IL1RAP: variants seen among roughly 807,000 people sequenced by gnomAD.
The protein encoded by IL1RAP is interleukin-1 receptor accessory protein.
A neutral mutation model predicts 60.7 loss-of-function variants in IL1RAP; 35 were observed. The ratio of observed to expected loss-of-function variants is 0.58; its 90% CI spans 0.44 to 0.76. The LOEUF is 0.76. Ranked by LOEUF, IL1RAP falls within the 30% of genes least tolerant of loss-of-function variation. The pLI is 0.00. For missense variants in IL1RAP, 572 were observed against 693.9 expected, an observed-to-expected ratio of 0.82 and a Z score of 1.97; for synonymous variants, 268 against 250.9, an observed-to-expected ratio of 1.07 and a Z score of -0.64.
intron 1 of IL1RAP, chr3:190,550,509 G>A (rs1208706260): frequency 6.6e-6 from 1 of 152,294 alleles, no homozygotes; most frequent in Non-Finnish European, 1.5e-5. Flanking sequence ...ATAACTGGTG[G>A]GTATAGTTAT....
chr3:190,547,762 C>G (rs377627392), intron 1 of IL1RAP, among the ~76,000 whole-genome samples: 1 of 152,196 alleles, frequency 6.6e-6, no homozygotes, highest in Admixed American at 6.5e-5. Context: ...TTGACTTTAA[C>G]TCTTCCTAAT....
chr3:190,566,036 T>C (rs1450781766), intron 3 of IL1RAP, among the ~76,000 whole-genome samples: 1 of 151,884 alleles, frequency 6.6e-6, no homozygotes, highest in Non-Finnish European at 1.5e-5. Flanking sequence ...GAACTCCCTG[T>C]CCTTCCTCCT....
chr3:190,644,537 AC>A (rs1733875920), intron 10 of IL1RAP, 140 bp downstream of exon 10: 1 of 666,602 alleles, frequency 1.5e-6, no homozygotes, highest in African/African-American at 1.9e-5. Context: ...TTTAATTTCA[AC>A]CGTTGCTATT....
intron 3 of IL1RAP, among the ~76,000 whole-genome samples, chr3:190,573,135 T>TC (rs1727137599): frequency 9.5e-5 from 5 of 52,538 alleles, no homozygotes; most frequent in Non-Finnish European, 1.8e-4. Context: ...AGTTCTGGGA[T>TC]TACAGGCGTG....
Position 190,604,158 on chromosome 3 carries a change from T to A in IL1RAP, c.95T>A (p.Met32Lys), listed in dbSNP as rs1245013598. The A allele has an allele frequency of 6.2e-7, 1 of 1,613,990 alleles. No individual in the cohort carries two copies. Among genetic ancestry groups the A allele is most frequent in the Non-Finnish European group, 8.5e-7 (1 of 1,179,944 alleles). Residue 32 changes from methionine to lysine, a missense_variant, in exon 4 of 12, where the codon ATG (methionine) becomes AAG (lysine). By Grantham distance (95) the Met-to-Lys change is moderately conservative (BLOSUM62 -1). Coordinates refer to ENST00000447382, the MANE Select transcript of IL1RAP (RefSeq NM_002182.4). ...ERCDDWGLDT[M>K]RQIQVFEDEP... ...TGCGATGACTGGGGACTAGACACCA[T>A]GAGGCAAATCCAAGTGTTTGAAGAT...
chr3:190,522,618 T>C (rs1264172167), intron 1 of IL1RAP, among the ~76,000 whole-genome samples: 1 of 149,238 alleles, frequency 6.7e-6, no homozygotes, highest in African/African-American at 2.5e-5. Context: ...GAATCTCAGA[T>C]GGAGAGGGGG....
Position 190,623,328 on chromosome 3 carries a change from A to G in IL1RAP, c.704-16A>G. The G allele has an allele frequency of 6.2e-7, 1 of 1,600,044 alleles. No homozygotes were observed. The highest frequency in any genetic ancestry group is 1.3e-5 in the African/African-American group (1 of 74,614). Reference sequence around the variant, plus strand: ...TGATTTAACATCATCTCCCTTTTTTATTTCCTCTAACACAGGCTCTCCAAA... The same window carrying G: ...TGATTTAACATCATCTCCCTTTTTTGTTTCCTCTAACACAGGCTCTCCAAA... On this transcript the variant is annotated splice_polypyrimidine_tract_variant and intron_variant, in intron 6 of 11. Coordinates refer to ENST00000447382, the MANE Select transcript of IL1RAP (RefSeq NM_002182.4).
chr3:190,602,348 A>G (rs1729934777), intron 3 of IL1RAP, among the ~76,000 whole-genome samples: 2 of 152,152 alleles, frequency 1.3e-5, no homozygotes, highest in African/African-American at 2.4e-5. Context: ...CTATATTACT[A>G]AGAAATGATT....
chr3:190,647,161 G>T (rs112561416), intron 11 of IL1RAP, among the ~76,000 whole-genome samples: 1 of 151,808 alleles, frequency 6.6e-6, no homozygotes, highest in East Asian at 1.9e-4. Context: ...TTTGACTCTG[G>T]GTCTCTTGCC....
At chr3:190,541,971 C>T (rs750252204) in intron 1 of IL1RAP, among the ~76,000 whole-genome samples, 1 of 152,094 alleles carries the variant, frequency 6.6e-6, no homozygotes, top group Non-Finnish European at 1.5e-5. Context: ...ATGTGGTGCA[C>T]CCATTTATAC....
chr3:190,591,524 G>T (rs1041444369), intron 3 of IL1RAP, among the ~76,000 whole-genome samples: 1 of 152,030 alleles, frequency 6.6e-6, no homozygotes. Flanking sequence ...CTATCTTACT[G>T]GAATTCAGGG....
At chr3:190,524,821 A>C (rs1270330716) in intron 1 of IL1RAP, among the ~76,000 whole-genome samples, 1 of 152,208 alleles carries the variant, frequency 6.6e-6, no homozygotes, top group Non-Finnish European at 1.5e-5. Flanking sequence ...ACAGTAAATT[A>C]TACATGTAAT....
chr3:190,623,970 G>T (rs1485103476), intron 7 of IL1RAP, among the ~76,000 whole-genome samples: 1 of 152,012 alleles, frequency 6.6e-6, no homozygotes, highest in African/African-American at 2.4e-5. Flanking sequence ...TTACTCTTTT[G>T]ACTCAAAGCC....
intron 3 of IL1RAP, among the ~76,000 whole-genome samples, chr3:190,597,384 A>T (rs1729467052): frequency 1.3e-5 from 2 of 152,184 alleles, no homozygotes; most frequent in African/African-American, 4.8e-5. Context: ...GTGACTTAAG[A>T]CAATAGAGAT....
At chr3:190,589,861 T>A (rs1482829575) in intron 3 of IL1RAP, among the ~76,000 whole-genome samples, 4 of 152,204 alleles carry the variant, frequency 2.6e-5, no homozygotes, top group Admixed American at 2.6e-4. Flanking sequence ...TGGAAAGGTG[T>A]TCACTGACGT....
rs1190850226 is a variant in IL1RAP, at chr3:190,645,729, A to G, written c.1232A>G (p.Tyr411Cys). Residue 411 changes from tyrosine (Y) to cysteine (C), a missense_variant, in exon 11 of 12, where the codon TAT becomes TGT. By Grantham distance (194) the Tyr-to-Cys change is radical. Transcript: ENST00000447382. ...AAAGAGTATGATATTTATGTATCCTATGCAAGGAATGCGGAAGAAGAAGAA... is the reference window on the plus strand; with the variant it reads ...AAAGAGTATGATATTTATGTATCCTGTGCAAGGAATGCGGAAGAAGAAGAA... ...DGKEYDIYVS[Y>C]ARNAEEEEFV... 2 of 1,612,392 alleles carry G rather than the reference A, an allele frequency of 1.2e-6. No homozygotes were observed. The highest frequency in any genetic ancestry group is 1.1e-5 in the South Asian group (1 of 91,030).
chr3:190,613,702 G>A (rs1300758437), intron 5 of IL1RAP, among the ~76,000 whole-genome samples: 6 of 151,896 alleles, frequency 4.0e-5, no homozygotes, highest in Admixed American at 2.0e-4. Flanking sequence ...GCATGGTGGC[G>A]CACACCTGTA....
At chr3:190,562,937 A>G (rs1329135084) in intron 2 of IL1RAP, among the ~76,000 whole-genome samples, 1 of 152,186 alleles carries the variant, frequency 6.6e-6, no homozygotes, top group Non-Finnish European at 1.5e-5. Context: ...AGCTTGTGAT[A>G]TGACGAGCTC....
chr3:190,581,663 C>T (rs1229927133), intron 3 of IL1RAP, among the ~76,000 whole-genome samples: 1 of 152,152 alleles, frequency 6.6e-6, no homozygotes, highest in African/African-American at 2.4e-5. Context: ...TCTCTGCCAC[C>T]TTCCCTGGTT....
Sources: allele counts gnomAD v4.1 joint callset (sites outside exome capture counted in the v4.1 genomes callset), GRCh38; gene constraint gnomAD v4.1.1; transcripts MANE v1.5; gene names NCBI Gene and HGNC (gene_info 2026-07-23, HGNC 2026-07-21).